The following SOX6 variants were observed in gnomAD, a reference collection of about 807,000 sequenced individuals.
SOX6 encodes the protein transcription factor SOX-6.
SOX6 carries 11 observed loss-of-function variants against 97.8 expected under a neutral mutation model. The ratio of observed to expected loss-of-function variants is 0.11; its 90% CI spans 0.07 to 0.19. SOX6 has a LOEUF of 0.19. Ranked by LOEUF, SOX6 falls within the 10% of genes least tolerant of loss-of-function variation. The pLI, the probability that SOX6 is intolerant of heterozygous loss-of-function variation, is 1.00. For synonymous variants in SOX6, 360 were observed against 371.4 expected, an observed-to-expected ratio of 0.97 and a Z score of 0.35; for missense variants, 810 against 1,039.5, an observed-to-expected ratio of 0.78 and a Z score of 3.04.
At chr11:16,579,909 G>A (rs1389594682) in intron 4 of SOX6, among the ~76,000 whole-genome samples, 1 of 152,098 alleles carries the variant, frequency 6.6e-6, no homozygotes, top group Non-Finnish European at 1.5e-5. Context: ...CACTCCCAGT[G>A]TATGAGAGTT....
intron 2 of SOX6, among the ~76,000 whole-genome samples, chr11:16,329,441 T>G (rs547723644): frequency 6.6e-6 from 1 of 152,264 alleles, no homozygotes; most frequent in East Asian, 1.9e-4. Flanking sequence ...CTCCAATTGT[T>G]CAATCCCATC....
intron 13 of SOX6, among the ~76,000 whole-genome samples, chr11:16,009,647 G>A (rs572330531): frequency 1.1e-3 from 166 of 152,156 alleles, no homozygotes; most frequent in Non-Finnish European, 2.0e-3. Context: ...GATGTAAAAC[G>A]ACTACTTGTC....
At chr11:16,522,019 G>A (rs1462479602) in intron 4 of SOX6, among the ~76,000 whole-genome samples, 3 of 152,208 alleles carry the variant, frequency 2.0e-5, no homozygotes, top group Admixed American at 6.5e-5. Flanking sequence ...GTACCTGAAA[G>A]TGACAGGAAG....
At chr11:16,654,748 C>A (rs1847700245) in intron 3 of SOX6, among the ~76,000 whole-genome samples, 1 of 152,212 alleles carries the variant, frequency 6.6e-6, no homozygotes, top group Non-Finnish European at 1.5e-5. Context: ...CATCTATTAT[C>A]ATTGCTAAGA....
intron 13 of SOX6, among the ~76,000 whole-genome samples, chr11:16,006,358 T>C (rs1854555299): frequency 1.3e-5 from 2 of 152,102 alleles, no homozygotes; most frequent in African/African-American, 4.8e-5. Flanking sequence ...AGCGTGGTAA[T>C]CAAGGCACTC....
At chr11:16,046,231 A>G (rs1855826196) in intron 12 of SOX6, among the ~76,000 whole-genome samples, 1 of 152,058 alleles carries the variant, frequency 6.6e-6, no homozygotes, top group South Asian at 2.1e-4. Context: ...AACATCATAC[A>G]TCTCCTTTAT....
chr11:16,540,040 T>C (rs1861379046), intron 4 of SOX6, among the ~76,000 whole-genome samples: 2 of 152,108 alleles, frequency 1.3e-5, no homozygotes, highest in African/African-American at 4.8e-5. Context: ...TAGACCAATA[T>C]CCTTGATGAA....
intron 8 of SOX6, 21 bp downstream of exon 8, chr11:16,097,587 AT>A (rs759343130): frequency 1.9e-6 from 3 of 1,608,056 alleles, no homozygotes; most frequent in East Asian, 2.2e-5. Context: ...CATATCCCAC[AT>A]TTTTTTCTTC....
At chr11:16,446,397 G>A (rs966149828) in intron 1 of SOX6, among the ~76,000 whole-genome samples, 3 of 152,008 alleles carry the variant, frequency 2.0e-5, no homozygotes, top group South Asian at 4.1e-4. Flanking sequence ...AACTGCACCC[G>A]TTATTTTCTT....
At chr11:16,538,659 A>AG (rs1376291597) in intron 4 of SOX6, among the ~76,000 whole-genome samples, 1 of 152,184 alleles carries the variant, frequency 6.6e-6, no homozygotes, top group African/African-American at 2.4e-5. Context: ...ACAAAAAAAA[A>AG]GCAGGGGTTG....
intron 4 of SOX6, among the ~76,000 whole-genome samples, chr11:16,566,037 A>C (rs1847869955): frequency 1.3e-5 from 2 of 149,746 alleles, no homozygotes; most frequent in Non-Finnish European, 1.5e-5. Flanking sequence ...TGGAGCTTGC[A>C]GTGAGCCGAG....
chr11:16,499,124 C>T (rs1860659128), intron 4 of SOX6, among the ~76,000 whole-genome samples: 1 of 152,164 alleles, frequency 6.6e-6, no homozygotes, highest in Admixed American at 6.5e-5. Flanking sequence ...GACCACAGTG[C>T]AATCAAACTA....
chr11:16,643,694 G>T (rs955820290), intron 3 of SOX6, among the ~76,000 whole-genome samples: 19 of 152,202 alleles, frequency 1.2e-4, no homozygotes, highest in Non-Finnish European at 2.5e-4. Flanking sequence ...AGGCTCCATG[G>T]GCATAGGACC....
chr11:15,988,886 G>A (rs540117853), intron 14 of SOX6, 111 bp downstream of exon 14: 11 of 1,103,876 alleles, frequency 1.0e-5, no homozygotes, highest in Admixed American at 3.7e-5. Context: ...TCTAACTTGC[G>A]CCCGCCACAA....
chr11:16,623,339 T>C (rs1422338206), intron 3 of SOX6, among the ~76,000 whole-genome samples: 7 of 152,148 alleles, frequency 4.6e-5, no homozygotes, highest in South Asian at 2.1e-4. Context: ...TTTTTTAATA[T>C]GTTTGTTGGC....
chr11:16,535,209 G>A (rs532279512), intron 4 of SOX6, among the ~76,000 whole-genome samples: 1 of 152,202 alleles, frequency 6.6e-6, no homozygotes, highest in Non-Finnish European at 1.5e-5. Flanking sequence ...TCTACTACAT[G>A]ATGGTGTTTT....
intron 3 of SOX6, among the ~76,000 whole-genome samples, chr11:16,681,747 C>T (rs1015468972): frequency 2.0e-5 from 3 of 152,048 alleles, no homozygotes; most frequent in African/African-American, 7.2e-5. Context: ...AGAGAAGAAT[C>T]AAATAGAGAC....
intron 4 of SOX6, among the ~76,000 whole-genome samples, chr11:16,558,246 A>G (rs186636089): frequency 3.3e-4 from 50 of 151,954 alleles, no homozygotes; most frequent in Admixed American, 3.1e-3. Context: ...TTTATTCTCA[A>G]CTCTCCAACT....
At chr11:16,302,579 T>C (rs899197299) in intron 3 of SOX6, among the ~76,000 whole-genome samples, 3 of 142,582 alleles carry the variant, frequency 2.1e-5, no homozygotes, top group Admixed American at 2.1e-4. Context: ...TTTTTTTTTT[T>C]TTTTTTTTTG....
Sources: gnomAD v4.1 joint callset for allele counts (sites outside exome capture counted in the v4.1 genomes callset) on GRCh38, gnomAD v4.1.1 for gene constraint, MANE v1.5 for transcripts, NCBI Gene and HGNC (gene_info 2026-07-23, HGNC 2026-07-21) for gene names.